The following CAST variants were observed in gnomAD, a reference collection of about 807,000 sequenced individuals.
CAST encodes calpastatin.
Under a neutral mutation model 119.6 loss-of-function variants are expected in CAST, and 76 were observed. That is an observed-to-expected ratio of 0.64 (90% confidence interval 0.53 to 0.77). The LOEUF is 0.77. CAST is among the 30% of genes least tolerant of loss of function. CAST has a pLI of 0.00. For missense variants in CAST, 953 were observed against 946.5 expected, an observed-to-expected ratio of 1.01 and a Z score of -0.09; for synonymous variants, 319 against 331.6, an observed-to-expected ratio of 0.96 and a Z score of 0.41.
upstream of CAST, among the ~76,000 whole-genome samples, chr5:96,522,490 C>T (rs542436666): frequency 6.6e-6 from 1 of 152,010 alleles, no homozygotes; most frequent in African/African-American, 2.4e-5. Context: ...ATGTCAAGTC[C>T]GTATATTGGT....
chr5:96,413,781 A>G, the CAST span, among the ~76,000 whole-genome samples: 1 of 137,756 alleles, frequency 7.3e-6, no homozygotes, highest in African/African-American at 2.8e-5. Context: ...AGCCTGGGCA[A>G]CAGAGCAAGA....
the CAST span, among the ~76,000 whole-genome samples, chr5:96,504,315 C>T: frequency 6.6e-6 from 1 of 152,314 alleles, no homozygotes; most frequent in South Asian, 2.1e-4. Context: ...ATTTCCCATA[C>T]ACGATGGCAG....
At chr5:96,389,753 T>C in the CAST span, among the ~76,000 whole-genome samples, 1 of 152,042 alleles carries the variant, frequency 6.6e-6, no homozygotes, top group Non-Finnish European at 1.5e-5. Flanking sequence ...CTGGGCAACA[T>C]GACGAAACCT....
At chr5:96,274,733 C>A in the CAST span, among the ~76,000 whole-genome samples, 1 of 152,186 alleles carries the variant, frequency 6.6e-6, no homozygotes. Context: ...TCTGGTTGGT[C>A]AAACCGCTAG....
In CAST at chr5:96,589,271, A is replaced by G. The variant is rs149614438; in HGVS notation, c.60+59391A>G. On this transcript the variant is annotated intron_variant, in intron 1 of 11. Transcript: ENST00000505143. ...TCAGTAAACTTTTCAAGGACATTCA[A>G]GAAAGATGCTTGGATCTTTTGTAAA... is the stretch of plus-strand genomic sequence containing the variant. Among the ~76,000 whole-genome samples, 115 of 152,326 alleles carry G rather than the reference A, an allele frequency of 7.5e-4. No individual in the cohort carries two copies. The Middle Eastern group carries it at 0.014, about 18-fold the overall frequency.
chr5:96,117,673 A>C, the CAST span, among the ~76,000 whole-genome samples: 1 of 152,218 alleles, frequency 6.6e-6, no homozygotes, highest in African/African-American at 2.4e-5. Context: ...TGTAGTGCCC[A>C]TTTATGCCTC....
At chr5:96,545,696 G>C (rs907870132) in intron 1 of CAST, among the ~76,000 whole-genome samples, 1 of 152,154 alleles carries the variant, frequency 6.6e-6, no homozygotes, top group Non-Finnish European at 1.5e-5. Flanking sequence ...CCCATACATA[G>C]CCTCTATCCA....
the CAST span, chr5:95,980,675 T>C: frequency 1.3e-5 from 2 of 152,220 alleles, no homozygotes; most frequent in Admixed American, 6.5e-5. Flanking sequence ...CAGATTCACA[T>C]AGGGCCTCGC....
chr5:96,028,424 A>C, the CAST span, among the ~76,000 whole-genome samples: 4 of 152,072 alleles, frequency 2.6e-5, no homozygotes, highest in Non-Finnish European at 5.9e-5. Flanking sequence ...TTATATATTC[A>C]ATATTCAGCC....
the CAST span, among the ~76,000 whole-genome samples, chr5:96,388,572 AGAAAG>A: frequency 6.6e-6 from 1 of 152,234 alleles, no homozygotes; most frequent in Non-Finnish European, 1.5e-5. Flanking sequence ...CAGTGGTCCA[AGAAAG>A]TATACTCTGT....
chr5:96,657,579 T>C (rs902119878), upstream of CAST, among the ~76,000 whole-genome samples: 1 of 152,202 alleles, frequency 6.6e-6, no homozygotes, highest in African/African-American at 2.4e-5. Flanking sequence ...TTGGTCTAGA[T>C]ATATTCCAGA....
intron 1 of CAST, among the ~76,000 whole-genome samples, chr5:96,645,107 C>A (rs145620075): frequency 2.0e-5 from 3 of 152,198 alleles, no homozygotes; most frequent in Non-Finnish European, 4.4e-5. Context: ...ATGTCCCCTT[C>A]GACTCCTCTG....
At chr5:96,115,798 G>A in the CAST span, among the ~76,000 whole-genome samples, 1 of 152,196 alleles carries the variant, frequency 6.6e-6, no homozygotes, top group East Asian at 1.9e-4. Flanking sequence ...AATGTTTAAT[G>A]GGTTCATTCT....
chr5:96,322,073 G>A, the CAST span, among the ~76,000 whole-genome samples: 4 of 151,914 alleles, frequency 2.6e-5, no homozygotes, highest in Admixed American at 2.0e-4. Context: ...TACTCCTTGG[G>A]GCCTGAAAGA....
chr5:96,451,828 C>G, the CAST span, among the ~76,000 whole-genome samples: 1 of 152,156 alleles, frequency 6.6e-6, no homozygotes, highest in Non-Finnish European at 1.5e-5. Context: ...AAAAAGTGGG[C>G]AAAGGATGTA....
At chr5:96,696,701 T>TAAAAAAAA (rs1561483071) in intron 3 of CAST, among the ~76,000 whole-genome samples, 13 of 50,000 alleles carry the variant, frequency 2.6e-4, no homozygotes, top group Admixed American at 7.5e-4. Context: ...AAAAAAAAAT[T>TAAAAAAAA]AAAAATTAGC....
chr5:96,057,340 G>T, the CAST span, among the ~76,000 whole-genome samples: 2 of 152,250 alleles, frequency 1.3e-5, no homozygotes, highest in South Asian at 4.1e-4. Flanking sequence ...AGCTCTATTT[G>T]TTTGAAAGTT....
chr5:96,747,178 CCTT>C (rs1157863260), intron 17 of CAST, among the ~76,000 whole-genome samples, 164 bp from the exon 18 acceptor site: 2 of 152,070 alleles, frequency 1.3e-5, no homozygotes, highest in Non-Finnish European at 2.9e-5. Flanking sequence ...TAGCTCAACT[CCTT>C]TTTTTATACT....
chr5:96,214,857 C>A, the CAST span: 3 of 152,152 alleles, frequency 2.0e-5, no homozygotes, highest in African/African-American at 4.8e-5. Context: ...AAGAAAAAGT[C>A]TTTTGCTTAC....
Sources: allele counts gnomAD v4.1 joint callset (sites outside exome capture counted in the v4.1 genomes callset), GRCh38; gene constraint gnomAD v4.1.1; transcripts MANE v1.5; gene names NCBI Gene and HGNC (gene_info 2026-07-23, HGNC 2026-07-21).